XIRP2: variants seen among roughly 807,000 people sequenced by gnomAD.
XIRP2 encodes xin actin-binding repeat-containing protein 2.
Under a neutral mutation model 277.0 loss-of-function variants are expected in XIRP2, and 236 were observed. The observed-to-expected ratio is 0.85, with a 90% CI of 0.77 to 0.95. The LOEUF is 0.95. Ranked by LOEUF, XIRP2 falls within the 40% of genes least tolerant of loss-of-function variation. XIRP2 has a pLI of 0.00. For synonymous variants in XIRP2, 1,490 were observed against 1,416.5 expected, an observed-to-expected ratio of 1.05 and a Z score of -1.17; for missense variants, 4,640 against 4,157.5, an observed-to-expected ratio of 1.12 and a Z score of -3.19.
At chr2:167,231,264 G>GA (rs1247162818) in intron 5 of XIRP2, among the ~76,000 whole-genome samples, 1 of 151,942 alleles carries the variant, frequency 6.6e-6, no homozygotes, top group Admixed American at 6.6e-5. Context: ...GAGGGACACT[G>GA]AAAGAGGGAG....
chr2:166,954,900 ACT>A (rs1686123640), intron 2 of XIRP2, among the ~76,000 whole-genome samples: 2 of 151,722 alleles, frequency 1.3e-5, no homozygotes, highest in Admixed American at 6.6e-5. Flanking sequence ...AACAACACAC[ACT>A]GGGGCCTGTT....
intron 2 of XIRP2, among the ~76,000 whole-genome samples, chr2:167,003,025 T>C (rs1354586948): frequency 6.6e-6 from 1 of 151,890 alleles, no homozygotes; most frequent in Non-Finnish European, 1.5e-5. Flanking sequence ...GTTTCTCTTA[T>C]TGAACAATTT....
chr2:166,982,345 G>T (rs1431199809), intron 2 of XIRP2, among the ~76,000 whole-genome samples: 18 of 148,544 alleles, frequency 1.2e-4, no homozygotes, highest in Non-Finnish European at 2.7e-4. Flanking sequence ...AAACAGTCTG[G>T]GTTAATATTT....
chr2:167,087,579 C>A (rs1689997422), intron 2 of XIRP2, among the ~76,000 whole-genome samples: 1 of 152,174 alleles, frequency 6.6e-6, no homozygotes, highest in Non-Finnish European at 1.5e-5. Flanking sequence ...GACTGCTATG[C>A]TAGCAATCAG....
chr2:167,134,941 C>A (rs934005345), intron 2 of XIRP2, among the ~76,000 whole-genome samples: 1 of 151,954 alleles, frequency 6.6e-6, no homozygotes, highest in Non-Finnish European at 1.5e-5. Flanking sequence ...GATCAGCATG[C>A]AATTTAAAAT....
rs540262201 is a variant in XIRP2 at position 166,957,790 on chromosome 2, C to T, written c.408+53900C>T. Among the ~76,000 whole-genome samples, 18 of 151,830 alleles carry T rather than the reference C, an allele frequency of 1.2e-4. 1 individual carries two copies. The South Asian group carries it at 2.9e-3, about 25-fold the overall frequency. On this transcript the variant is annotated intron_variant, in intron 2 of 10. Transcript: ENST00000409195. ...ATGAGTGATTTAGGTTCACTTCAGG[C>T]GTACTTTTTATGTCATTGATTTTCA...
chr2:166,997,071 G>A (rs753557456), intron 2 of XIRP2, among the ~76,000 whole-genome samples: 3 of 152,144 alleles, frequency 2.0e-5, no homozygotes, highest in Non-Finnish European at 4.4e-5. Flanking sequence ...GAAGGAGGAC[G>A]TCTACTGGAC....
intron 2 of XIRP2, among the ~76,000 whole-genome samples, chr2:167,088,003 A>G (rs1179797222): frequency 6.6e-6 from 1 of 152,154 alleles, no homozygotes; most frequent in Non-Finnish European, 1.5e-5. Context: ...TAATTACATA[A>G]AAGATGATAA....
intron 2 of XIRP2, among the ~76,000 whole-genome samples, chr2:167,080,410 G>A (rs1014772896): frequency 1.3e-5 from 2 of 152,190 alleles, no homozygotes; most frequent in Non-Finnish European, 2.9e-5. Context: ...ATACTGTGAT[G>A]CACCTTCAGG....
chr2:167,250,677 C>A lies in XIRP2; in HGVS notation c.9285C>A (p.His3095Gln). ...ATCATGAAGCAACTGTTCGTAGTCA[C>A]GTGAAAACCCATCAGGAAATTAAAC... ...AAHHEATVRSHVKTHQEIKLD... is the reference protein window; with the variant it reads ...AAHHEATVRSQVKTHQEIKLD... Residue 3095 changes from histidine to glutamine, a missense_variant, in exon 9 of 11, where the codon CAC becomes CAA. His to Gln is a conservative substitution (Grantham distance 24). Transcript: ENST00000409195. 1 of 1,613,544 alleles carries A rather than the reference C, an allele frequency of 6.2e-7. No individual in the cohort carries two copies. The highest frequency in any genetic ancestry group is 8.5e-7 in the Non-Finnish European group (1 of 1,179,728).
At chr2:167,255,363 C>T (rs1695627563) in intron 10 of XIRP2, among the ~76,000 whole-genome samples, 2 of 151,764 alleles carry the variant, frequency 1.3e-5, no homozygotes, top group African/African-American at 4.8e-5. Context: ...CCTTCTTTAA[C>T]TTACAGTCTT....
chr2:167,142,545 AC>A (rs1259637632), intron 3 of XIRP2, among the ~76,000 whole-genome samples: 1 of 151,986 alleles, frequency 6.6e-6, no homozygotes, highest in East Asian at 1.9e-4. Flanking sequence ...AGGCTCCATC[AC>A]AAAAAATAAT....
chr2:166,973,762 AAAG>A (rs1179601735), intron 2 of XIRP2, among the ~76,000 whole-genome samples: 2 of 152,214 alleles, frequency 1.3e-5, no homozygotes, highest in Non-Finnish European at 2.9e-5. Context: ...TTATGTCGTT[AAAG>A]AAGAACCTTA....
intron 10 of XIRP2, 22 bp downstream of exon 10, chr2:167,254,187 G>T (rs374007044): frequency 1.6e-4 from 249 of 1,602,066 alleles, no homozygotes; most frequent in Non-Finnish European, 2.0e-4. Context: ...AATTGTCTTT[G>T]CCACAAATAT....
At chr2:166,961,276 A>G (rs144098573) in intron 2 of XIRP2, among the ~76,000 whole-genome samples, 231 of 151,864 alleles carry the variant, frequency 1.5e-3, no homozygotes, top group African/African-American at 5.3e-3. Context: ...ATGACAGAGA[A>G]TATTTAAGCA....
chr2:167,174,210 T>A (rs1009121819), intron 3 of XIRP2, among the ~76,000 whole-genome samples: 1 of 152,206 alleles, frequency 6.6e-6, no homozygotes, highest in African/African-American at 2.4e-5. Flanking sequence ...TGTTTGTACT[T>A]CTGGTAGAAT....
chr2:166,935,998 A>G (rs972948679), intron 2 of XIRP2, among the ~76,000 whole-genome samples: 3 of 152,156 alleles, frequency 2.0e-5, no homozygotes, highest in Admixed American at 2.0e-4. Context: ...ACTGTCTTCC[A>G]AATGGTTGAA....
intron 3 of XIRP2, among the ~76,000 whole-genome samples, chr2:167,209,170 G>C (rs560626773): frequency 2.6e-5 from 4 of 152,054 alleles, no homozygotes; most frequent in Admixed American, 6.5e-5. Flanking sequence ...TTTATACTTT[G>C]TATCTTTGTG....
At chr2:167,143,155 G>T (rs1444255430) in intron 3 of XIRP2, among the ~76,000 whole-genome samples, 1 of 152,098 alleles carries the variant, frequency 6.6e-6, no homozygotes, top group Non-Finnish European at 1.5e-5. Flanking sequence ...TACTGAACAG[G>T]TACTATGGAC....
Sources: allele counts gnomAD v4.1 joint callset (sites outside exome capture counted in the v4.1 genomes callset), GRCh38; gene constraint gnomAD v4.1.1; transcripts MANE v1.5; gene names NCBI Gene and HGNC (gene_info 2026-07-23, HGNC 2026-07-21).